Variants in RBFOX1 observed in about 807,000 individuals in gnomAD.
The protein encoded by RBFOX1 is RNA binding fox-1 homolog 1, also known as RNA binding protein fox-1 homolog 1.
RBFOX1 carries 8 observed loss-of-function variants against 57.7 expected under a neutral mutation model. That is an observed-to-expected ratio of 0.14 (90% CI 0.08 to 0.25). The LOEUF is 0.25. Among genes scored for constraint, RBFOX1 ranks in the 10% least tolerant of loss-of-function variants. RBFOX1 has a pLI of 1.00. For synonymous variants in RBFOX1, 326 were observed against 222.4 expected (o/e 1.47, Z -4.15); for missense variants, 611 against 548.5 (o/e 1.11, Z -1.14).
chr16:5,881,929 C>T (rs2057774185), intron 4 of RBFOX1, among the ~76,000 whole-genome samples: 1 of 152,190 alleles, frequency 6.6e-6, no homozygotes, highest in Non-Finnish European at 1.5e-5. Context: ...GCAGTGGTAG[C>T]AGCAGCAGTA....
chr16:5,441,031 C>A (rs976640320), intron 1 of RBFOX1, among the ~76,000 whole-genome samples: 1 of 152,118 alleles, frequency 6.6e-6, no homozygotes, highest in Non-Finnish European at 1.5e-5. Flanking sequence ...ACAAATTGAT[C>A]GTGAAAATGA....
chr16:7,354,596 AT>A (rs1212064517), intron 4 of RBFOX1, among the ~76,000 whole-genome samples: 1 of 152,222 alleles, frequency 6.6e-6, no homozygotes, highest in Non-Finnish European at 1.5e-5. Flanking sequence ...TTAGGATTTC[AT>A]TCAATTTAAG....
intron 3 of RBFOX1, among the ~76,000 whole-genome samples, chr16:6,767,914 C>CAAT (rs71408408): frequency 0.049 from 5,825 of 117,722 alleles, 191 homozygotes; most frequent in Non-Finnish European, 0.066. Context: ...GACTCTATCT[C>CAAT]AATAATAATA....
chr16:7,210,184 C>T (rs928913072), intron 4 of RBFOX1, among the ~76,000 whole-genome samples: 5 of 152,094 alleles, frequency 3.3e-5, no homozygotes, highest in Non-Finnish European at 7.3e-5. Flanking sequence ...GTCAAGATCC[C>T]ACACAAGAAA....
At chr16:6,933,567 T>A (rs375671492) in intron 3 of RBFOX1, among the ~76,000 whole-genome samples, 1 of 152,114 alleles carries the variant, frequency 6.6e-6, no homozygotes, top group Non-Finnish European at 1.5e-5. Flanking sequence ...GCAAAAATTA[T>A]CCAGGTGTGG....
intron 4 of RBFOX1, among the ~76,000 whole-genome samples, chr16:5,872,217 A>G (rs1182911550): frequency 6.6e-6 from 1 of 152,206 alleles, no homozygotes; most frequent in East Asian, 1.9e-4. Context: ...AGAACCTAGC[A>G]CATTTAACAA....
In RBFOX1 at chr16:5,385,582, T is replaced by C. The variant is rs368163931; in HGVS notation, c.220-81634T>C. 3.9e-5 allele frequency among the ~76,000 whole-genome samples: 6 copies of C among 152,338 alleles called. No individual in the cohort carries two copies. The South Asian group carries it at 1.0e-3, about 26-fold the overall frequency. ...TAAATGACCTAGATCAGCCGCCTAA[T>C]GGGCTGTCAGTGTCCCTTATGTGCC... On this transcript the variant is annotated intron_variant, in intron 1 of 2. Transcript: ENST00000585867.
chr16:7,574,277 G>T (rs1308591114), intron 5 of RBFOX1, among the ~76,000 whole-genome samples: 1 of 152,182 alleles, frequency 6.6e-6, no homozygotes, highest in Admixed American at 6.5e-5. Flanking sequence ...TCTTTGGAGA[G>T]TCTCATTGAA....
chr16:7,470,640 G>T (rs2061394073), intron 4 of RBFOX1, among the ~76,000 whole-genome samples: 1 of 152,106 alleles, frequency 6.6e-6, no homozygotes, highest in South Asian at 2.1e-4. Flanking sequence ...GAATGAGTGA[G>T]TGGATAGACG....
intron 4 of RBFOX1, among the ~76,000 whole-genome samples, chr16:7,459,688 G>T (rs1233392865): frequency 6.6e-6 from 1 of 152,064 alleles, no homozygotes; most frequent in Non-Finnish European, 1.5e-5. Flanking sequence ...GCACCATTTT[G>T]GCATTTCAAA....
At chr16:5,570,747 T>G (rs545745108) in intron 2 of RBFOX1, among the ~76,000 whole-genome samples, 1 of 150,896 alleles carries the variant, frequency 6.6e-6, no homozygotes, top group Non-Finnish European at 1.5e-5. Context: ...GGCTGAGGCA[T>G]GAGAATTGCT....
At chr16:6,061,669 G>A (rs2095687972) in intron 1 of RBFOX1, among the ~76,000 whole-genome samples, 1 of 151,714 alleles carries the variant, frequency 6.6e-6, no homozygotes. Context: ...AATCTCTATG[G>A]ATAAATCTAT....
chr16:6,642,339 T>C (rs2098498737), intron 2 of RBFOX1, among the ~76,000 whole-genome samples: 1 of 152,216 alleles, frequency 6.6e-6, no homozygotes, highest in South Asian at 2.1e-4. Flanking sequence ...CTTTTACAGT[T>C]AATTAAAAGC....
chr16:7,596,136 C>CA (rs1220643324), intron 8 of RBFOX1, among the ~76,000 whole-genome samples: 882 of 3,602 alleles, frequency 0.24, 9 homozygotes, highest in Middle Eastern at 0.5. Context: ...GAAAAAAAAA[C>CA]AAAAAAAAAA....
At position 6,867,831 on chromosome 16, in the gene RBFOX1, T is replaced by C. The variant is rs146385368; in HGVS notation, c.-15-184226T>C. On this transcript the variant is annotated intron_variant, in intron 3 of 15. Coordinates refer to ENST00000550418, the MANE Select transcript of RBFOX1 (RefSeq NM_018723.4). ...TTATCCCTTGATCCTGGTGTAATTATTGACATCCCCCTTTCTGCTGACAGG... is the reference window on the plus strand; with the variant it reads ...TTATCCCTTGATCCTGGTGTAATTACTGACATCCCCCTTTCTGCTGACAGG... 6.2e-3 allele frequency among the ~76,000 whole-genome samples: 937 copies of C among 152,326 alleles called. 14 individuals are homozygous for C. The highest frequency in any genetic ancestry group is 0.021 in the African/African-American group (888 of 41,568).
intron 1 of RBFOX1, among the ~76,000 whole-genome samples, chr16:6,282,588 C>T (rs183320543): frequency 2.6e-5 from 4 of 152,038 alleles, no homozygotes; most frequent in East Asian, 1.9e-4. Context: ...TCCCTGTGTC[C>T]GTGTGTTCTT....
At chr16:7,072,124 G>A (rs921749761) in intron 4 of RBFOX1, among the ~76,000 whole-genome samples, 1 of 152,136 alleles carries the variant, frequency 6.6e-6, no homozygotes, top group East Asian at 1.9e-4. Flanking sequence ...ATCTTGAGCT[G>A]CCTGGAACAA....
chr16:7,207,956 C>A (rs2090336042), intron 4 of RBFOX1, among the ~76,000 whole-genome samples: 1 of 152,310 alleles, frequency 6.6e-6, no homozygotes, highest in Non-Finnish European at 1.5e-5. Context: ...GGAAGCTTCT[C>A]AGTTACCTTT....
intron 5 of RBFOX1, among the ~76,000 whole-genome samples, chr16:7,538,922 G>T (rs773830844): frequency 1.4e-4 from 19 of 133,606 alleles, no homozygotes; most frequent in Non-Finnish European, 2.6e-4. Flanking sequence ...GGAGTTCTAT[G>T]GTCAATGAGA....
Sources: allele counts gnomAD v4.1 joint callset (sites outside exome capture counted in the v4.1 genomes callset), GRCh38; gene constraint gnomAD v4.1.1; transcripts MANE v1.5; gene names NCBI Gene and HGNC (gene_info 2026-07-23, HGNC 2026-07-21).